Variants in ZNF121 observed in about 807,000 individuals in gnomAD.
ZNF121 encodes zinc finger protein 121 (clone ZHC32).
In ZNF121, 1 loss-of-function variant was observed where a neutral mutation model predicts 2.4. The observed-to-expected ratio is 0.41, with a 90% CI of 0.15 to 1.94. ZNF121 has a LOEUF of 1.94. Ranked by LOEUF, ZNF121 falls within the 30% of genes most tolerant of loss-of-function variation. The pLI is 0.30. For missense variants in ZNF121, 369 were observed against 466.3 expected, an observed-to-expected ratio of 0.79 and a Z score of 1.92; for synonymous variants, 173 against 158.6, an observed-to-expected ratio of 1.09 and a Z score of -0.68.
chr19:9,568,684 T>A (rs1389367036), intron 2 of ZNF121, among the ~76,000 whole-genome samples: 1 of 152,086 alleles, frequency 6.6e-6, no homozygotes, highest in African/African-American at 2.4e-5. Context: ...ATTTAGTAAT[T>A]TTTTAAACAA....
At chr19:9,572,617 C>T (rs1335509487) in intron 1 of ZNF121, among the ~76,000 whole-genome samples, 1 of 152,164 alleles carries the variant, frequency 6.6e-6, no homozygotes, top group Non-Finnish European at 1.5e-5. Flanking sequence ...CATGAACACA[C>T]AGCCAGCCTT....
chr19:9,581,486 C>T (rs2074247988), intron 1 of ZNF121, among the ~76,000 whole-genome samples: 2 of 151,958 alleles, frequency 1.3e-5, no homozygotes, highest in Admixed American at 1.3e-4. Flanking sequence ...GGTATGTGAG[C>T]TGGTACTGAT....
intron 1 of ZNF121, among the ~76,000 whole-genome samples, chr19:9,571,912 T>C (rs1488116281): frequency 6.6e-6 from 1 of 152,052 alleles, no homozygotes; most frequent in Non-Finnish European, 1.5e-5. Flanking sequence ...CATACTACCA[T>C]GCCTGGCTAA....
rs753882185 is a variant in ZNF121 at position 9,566,064 on chromosome 19, C to T, written c.1049G>A (p.Arg350His). The T allele has an allele frequency of 1.9e-6, 3 of 1,613,050 alleles. No homozygotes were observed. The highest frequency in any genetic ancestry group is 1.3e-5 in the African/African-American group (1 of 74,702). The change falls in exon 4 of 4, where the codon CGT (arginine) becomes CAT (histidine). Residue 350 changes from arginine to histidine, a missense_variant. Physicochemically the swap from Arg to His is conservative, Grantham distance 29. Transcript: ENST00000320451. ...YICKECGKTF[R>H]ASSHLQKHVR... ...ATGTTTCTGTAGATGTGAAGAAGCA[C>T]GGAAGGTTTTCCCACATTCCTTACA...
rs529595464 is a variant in ZNF121, at chr19:9,571,691, C to T, written c.-159-2609G>A. On this transcript the variant is annotated intron_variant, in intron 1 of 3. Coordinates refer to ENST00000320451, the MANE Select transcript of ZNF121 (RefSeq NM_001008727.5). ...AAATGACATTCCATGAAACACCACA[C>T]TAGTACACTATGTTGACACCATTAT... 2.6e-5 allele frequency among the ~76,000 whole-genome samples: 4 copies of T among 152,284 alleles called. No individual in the cohort carries two copies. The South Asian group carries it at 6.2e-4, about 24-fold the overall frequency.
At position 9,569,944 on chromosome 19, in the gene ZNF121, T is replaced by G. The variant is rs534734200; in HGVS notation, c.-159-862A>C. ...GTATTACATCTCTCTCTCTCTCTCT[T>G]TTTTTTCTTTTTGAGAGATTTTTGC... On this transcript the variant is annotated intron_variant, in intron 1 of 3. Coordinates refer to ENST00000320451, the MANE Select transcript of ZNF121 (RefSeq NM_001008727.5). 4.1e-4 allele frequency among the ~76,000 whole-genome samples: 62 copies of G among 149,610 alleles called. 1 individual carries two copies. The Middle Eastern group carries it at 0.014, about 33-fold the overall frequency.
chr19:9,583,770 G>T (rs2074265958), intron 1 of ZNF121, among the ~76,000 whole-genome samples: 1 of 152,128 alleles, frequency 6.6e-6, no homozygotes, highest in South Asian at 2.1e-4. Context: ...CTCCCAAATG[G>T]CTGGGACTAC....
chr19:9,573,602 A>G (rs2074189071), intron 1 of ZNF121, among the ~76,000 whole-genome samples: 1 of 151,986 alleles, frequency 6.6e-6, no homozygotes, highest in South Asian at 2.1e-4. Context: ...AGGAAATAAC[A>G]AGATTCCAAA....
At chr19:9,578,646 T>C (rs2074228199) in intron 1 of ZNF121, among the ~76,000 whole-genome samples, 1 of 152,112 alleles carries the variant, frequency 6.6e-6, no homozygotes, top group Non-Finnish European at 1.5e-5. Context: ...TGAATAACGA[T>C]ATGCAGAATG....
intron 1 of ZNF121, among the ~76,000 whole-genome samples, chr19:9,580,901 A>T (rs2074244323): frequency 6.6e-6 from 1 of 152,148 alleles, no homozygotes; most frequent in African/African-American, 2.4e-5. Flanking sequence ...TGCGATAGAG[A>T]ATGAACAACT....
At position 9,566,303 on chromosome 19, in the gene ZNF121, G is replaced by A; in HGVS notation, c.810C>T (p.Cys270=). The change falls in exon 4 of 4, where the codon TGC becomes TGT. Residue 270 remains cysteine (C), a synonymous_variant. Transcript: ENST00000320451. ...TGTGAATTCTAAAGTGATTCTTAAG[G>A]CATGAAGAGCTTCTGAAGGATTTTC... ...VCGKSFRSSS[C]LKNHFRIHTG... 1 of 1,613,856 alleles carries A rather than the reference G, an allele frequency of 6.2e-7. No homozygotes were observed. The highest frequency in any genetic ancestry group is 8.5e-7 in the Non-Finnish European group (1 of 1,179,960).
intron 1 of ZNF121, among the ~76,000 whole-genome samples, chr19:9,583,057 C>CAAAAAAAAAAAAAAA (rs1326380773): frequency 1.6e-5 from 2 of 122,130 alleles, no homozygotes; most frequent in South Asian, 2.7e-4. Context: ...ACTAAAAATA[C>CAAAAAAAAAAAAAAA]AAAAAAAAAA....
At position 9,562,440 on chromosome 19, in the gene ZNF121, A is replaced by G; in HGVS notation, c.*3500T>C. 3.4e-6 allele frequency: 1 copy of G among 294,476 alleles called. No homozygotes were observed. The highest frequency in any genetic ancestry group is 7.6e-6 in the Non-Finnish European group (1 of 131,780). 18.2% of individuals were successfully genotyped at this position (294,476 alleles called of 1,614,324 possible). A position where few individuals can be genotyped will look rare whatever the true frequency, so the allele number is the denominator to read the frequency against. ...CAGCCTCTCAAGGTGCTGGGATTAC[A>G]GGTGTGAGCCACCGTGCCCGGCTGC... is the stretch of plus-strand genomic sequence containing the variant. On this transcript the variant is annotated 3_prime_UTR_variant, in exon 4 of 4. Transcript: ENST00000320451.
At position 9,570,203 on chromosome 19, in the gene ZNF121, C is replaced by T. The variant is rs376410906; in HGVS notation, c.-159-1121G>A. On this transcript the variant is annotated intron_variant, in intron 1 of 3. Transcript: ENST00000320451. ...GCTGGGCAACAGAGCAAGATTCCATCCAAAAACAAAAGAATCAGAGAGCTT... is the reference window on the plus strand; with the variant it reads ...GCTGGGCAACAGAGCAAGATTCCATTCAAAAACAAAAGAATCAGAGAGCTT... Among the ~76,000 whole-genome samples, 17 of 152,120 alleles carry T rather than the reference C, an allele frequency of 1.1e-4. No individual in the cohort carries two copies. The East Asian group carries it at 2.3e-3, about 21-fold the overall frequency.
chr19:9,563,054 A>C lies in ZNF121; in HGVS notation c.*2886T>G, dbSNP rs1248890819. Reference sequence around the variant, plus strand: ...TGGGCAAAAGGGAGACCATGTCTCAAAAAAAAAAAAAAAAAAAAAACTGGG... The same window carrying C: ...TGGGCAAAAGGGAGACCATGTCTCACAAAAAAAAAAAAAAAAAAAACTGGG... On this transcript the variant is annotated 3_prime_UTR_variant, in exon 4 of 4. Transcript: ENST00000320451. The C allele has an allele frequency of 2.5e-5, 3 of 120,876 alleles. No individual in the cohort carries two copies. The East Asian group carries it at 6.4e-4, about 26-fold the overall frequency. The allele number at this position is 120,876 out of a possible 1,614,324, so 7.5% of individuals were successfully genotyped here.
At chr19:9,583,057 C>CAAAAAAAAAAAA (rs1326380773) in intron 1 of ZNF121, among the ~76,000 whole-genome samples, 1 of 122,130 alleles carries the variant, frequency 8.2e-6, no homozygotes, top group African/African-American at 3.2e-5. Context: ...ACTAAAAATA[C>CAAAAAAAAAAAA]AAAAAAAAAA....
At position 9,561,896 on chromosome 19, in the gene ZNF121, G is replaced by GA. The variant is rs576203184; in HGVS notation, c.*4043dup. The GA allele has an allele frequency of 0.2, 21,001 of 107,506 alleles. 1,878 individuals carry two copies. Among genetic ancestry groups the GA allele is most frequent in the African/African-American group, 0.32 (10,025 of 31,074 alleles). The allele number at this position is 107,506 out of a possible 1,614,324, so 6.7% of individuals were successfully genotyped here. A position where few individuals can be genotyped will look rare whatever the true frequency, so the allele number is the denominator to read the frequency against. ...GCAAGACCCCAATGCAGACCAAAAA[G>GA]AAAAAAAAAAAAAAGGAAAAGAAAA... On this transcript the variant is annotated 3_prime_UTR_variant, in exon 4 of 4. Transcript: ENST00000320451.
rs764126365 is a variant in ZNF121 at position 9,566,038 on chromosome 19, C to T, written c.1075G>A (p.Val359Ile). Reference sequence around the variant, plus strand: ...GGTTTCTCTCCAGTGTGAATTCTAACATGTTTCTGTAGATGTGAAGAAGCA... The same window carrying T: ...GGTTTCTCTCCAGTGTGAATTCTAATATGTTTCTGTAGATGTGAAGAAGCA... ...FRASSHLQKH[V>I]RIHTGEKPYI... is the part of the protein sequence containing the mutation. The change falls in exon 4 of 4, where the codon GTT becomes ATT. Residue 359 changes from valine to isoleucine, a missense_variant. Coordinates refer to ENST00000320451, the MANE Select transcript of ZNF121 (RefSeq NM_001008727.5). The T allele has an allele frequency of 5.6e-6, 9 of 1,613,536 alleles. No individual in the cohort carries two copies.
At chr19:9,569,305 G>T (rs947741186) in intron 1 of ZNF121, among the ~76,000 whole-genome samples, 1 of 151,942 alleles carries the variant, frequency 6.6e-6, no homozygotes, top group Admixed American at 6.6e-5. Flanking sequence ...TAAAGACTGG[G>T]CGCAGTGGCT....
Sources: gnomAD v4.1 joint callset for allele counts (sites outside exome capture counted in the v4.1 genomes callset) on GRCh38, gnomAD v4.1.1 for gene constraint, MANE v1.5 for transcripts, NCBI Gene and HGNC (gene_info 2026-07-23, HGNC 2026-07-21) for gene names.